The following RBMS3 variants were observed in gnomAD, a reference collection of about 807,000 sequenced individuals.
RBMS3 encodes the protein RNA binding motif single stranded interacting protein 3.
A neutral mutation model predicts 66.8 loss-of-function variants in RBMS3; 27 were observed. That is an observed-to-expected ratio of 0.40 (90% CI 0.30 to 0.56). The LOEUF (loss-of-function observed/expected upper bound fraction) is 0.56. RBMS3 is among the 20% of genes least tolerant of loss of function. RBMS3 has a pLI of 0.40. For missense variants in RBMS3, 513 were observed against 549.5 expected (o/e 0.93, Z 0.66); for synonymous variants, 188 against 183.0 (o/e 1.03, Z -0.22).
chr3:29,303,782 C>T (rs1187830310), intron 1 of RBMS3, among the ~76,000 whole-genome samples: 1 of 151,958 alleles, frequency 6.6e-6, no homozygotes, highest in Admixed American at 6.6e-5. Flanking sequence ...TCCGTTTTCA[C>T]ACTGTTGATA....
At chr3:29,310,853 C>G (rs1009095064) in intron 1 of RBMS3, among the ~76,000 whole-genome samples, 10 of 151,726 alleles carry the variant, frequency 6.6e-5, no homozygotes, top group Non-Finnish European at 1.5e-4. Context: ...ATCTGTTATT[C>G]TATTTTTCTT....
At chr3:29,488,405 C>A (rs762726440) in intron 2 of RBMS3, 36 bp from the exon 3 acceptor site, 1 of 1,532,366 alleles carries the variant, frequency 6.5e-7, no homozygotes, top group East Asian at 2.3e-5. Flanking sequence ...CAATGGGTTA[C>A]AATAACATGG....
At chr3:29,687,936 T>C (rs566325727) in intron 4 of RBMS3, among the ~76,000 whole-genome samples, 5 of 152,152 alleles carry the variant, frequency 3.3e-5, no homozygotes, top group Non-Finnish European at 7.4e-5. Context: ...GCCCAGATTA[T>C]AGATATTTTG....
intron 6 of RBMS3, among the ~76,000 whole-genome samples, chr3:29,849,052 T>C (rs2058860988): frequency 6.6e-6 from 1 of 152,158 alleles, no homozygotes; most frequent in Non-Finnish European, 1.5e-5. Flanking sequence ...CATTTTTTTC[T>C]TTAATACTAC....
chr3:29,420,595 A>G (rs75863450), intron 1 of RBMS3, among the ~76,000 whole-genome samples: 15,900 of 136,124 alleles, frequency 0.12, 1,159 homozygotes, highest in East Asian at 0.32. Context: ...GTTTTTATCA[A>G]CATAGCTATA....
chr3:29,869,969 T>A (rs1448356558), intron 7 of RBMS3, among the ~76,000 whole-genome samples: 1 of 152,162 alleles, frequency 6.6e-6, no homozygotes, highest in Non-Finnish European at 1.5e-5. Context: ...TTTTTTCAGT[T>A]TCTGTTTCTA....
chr3:29,394,119 C>A (rs2039435665), intron 1 of RBMS3, among the ~76,000 whole-genome samples: 1 of 152,152 alleles, frequency 6.6e-6, no homozygotes, highest in Non-Finnish European at 1.5e-5. Context: ...TATTTCATCC[C>A]TTATCTTCAA....
intron 3 of RBMS3, among the ~76,000 whole-genome samples, chr3:29,558,464 T>C (rs983214627): frequency 2.0e-5 from 3 of 152,172 alleles, no homozygotes; most frequent in Admixed American, 2.0e-4. Context: ...TTGAGATGCA[T>C]TCAGAAACAA....
intron 2 of RBMS3, among the ~76,000 whole-genome samples, chr3:29,435,969 G>T (rs146402233): frequency 1.1e-5 from 1 of 94,540 alleles, no homozygotes; most frequent in African/African-American, 4.0e-5. Flanking sequence ...GCGAGACTCC[G>T]TCTCAAAAAA....
intron 1 of RBMS3, among the ~76,000 whole-genome samples, chr3:29,370,367 T>C (rs1372746763): frequency 6.6e-6 from 1 of 152,216 alleles, no homozygotes; most frequent in Non-Finnish European, 1.5e-5. Context: ...CATTTTCATG[T>C]TAGATAACTT....
At chr3:29,407,087 G>A (rs899836121) in intron 1 of RBMS3, among the ~76,000 whole-genome samples, 1 of 152,164 alleles carries the variant, frequency 6.6e-6, no homozygotes, top group Admixed American at 6.5e-5. Flanking sequence ...AATACATTTT[G>A]TAGAATCAAT....
Position 29,363,867 on chromosome 3 carries a change from A to C in RBMS3, c.76-70876A>C, listed in dbSNP as rs907266214. Among the ~76,000 whole-genome samples the C allele has an allele frequency of 7.2e-5, 11 of 152,166 alleles. No individual in the cohort carries two copies. The South Asian group carries it at 8.3e-4, about 11-fold the overall frequency. On this transcript the variant is annotated intron_variant, in intron 1 of 14. Coordinates refer to ENST00000383767, the MANE Select transcript of RBMS3 (RefSeq NM_001003793.3). ...AGCAAATATTTTAAAAAATTGATAA[A>C]AATTTTTTTTTGCTATCAAATAGGA...
intron 3 of RBMS3, among the ~76,000 whole-genome samples, chr3:29,564,659 T>C (rs1221563681): frequency 6.6e-6 from 1 of 152,116 alleles, no homozygotes; most frequent in Non-Finnish European, 1.5e-5. Flanking sequence ...TATTGATATG[T>C]ATATTTTGGA....
At chr3:29,744,785 G>GA (rs1553655159) in intron 5 of RBMS3, among the ~76,000 whole-genome samples, 4,976 of 138,088 alleles carry the variant, frequency 0.036, 281 homozygotes, top group African/African-American at 0.11. Flanking sequence ...CTCCGTCTCG[G>GA]AAAAAAAAAA....
chr3:29,431,957 G>C (rs2041224567), intron 1 of RBMS3, among the ~76,000 whole-genome samples: 1 of 151,854 alleles, frequency 6.6e-6, no homozygotes, highest in African/African-American at 2.4e-5. Flanking sequence ...CGAGCTCCTG[G>C]GCTCAAGCAG....
chr3:29,866,435 C>A (rs929521605), intron 6 of RBMS3, among the ~76,000 whole-genome samples: 1 of 152,148 alleles, frequency 6.6e-6, no homozygotes, highest in Non-Finnish European at 1.5e-5. Context: ...GAACCAGTTT[C>A]TTTACAGCAA....
At chr3:29,672,429 C>T (rs1373276199) in intron 4 of RBMS3, among the ~76,000 whole-genome samples, 1 of 152,148 alleles carries the variant, frequency 6.6e-6, no homozygotes, top group East Asian at 1.9e-4. Flanking sequence ...CAAATTCACA[C>T]ATAACAATAT....
intron 12 of RBMS3, among the ~76,000 whole-genome samples, chr3:29,987,480 C>A (rs368594437): frequency 6.6e-6 from 1 of 151,840 alleles, no homozygotes; most frequent in African/African-American, 2.4e-5. Flanking sequence ...TTATTCATCC[C>A]GATAAGAAAA....
At chr3:29,704,352 T>C (rs1382692904) in intron 4 of RBMS3, among the ~76,000 whole-genome samples, 1 of 152,134 alleles carries the variant, frequency 6.6e-6, no homozygotes, top group Non-Finnish European at 1.5e-5. Flanking sequence ...CAGAAAGAGA[T>C]TGGTATATAA....
Sources: gnomAD v4.1 joint callset for allele counts (sites outside exome capture counted in the v4.1 genomes callset) on GRCh38, gnomAD v4.1.1 for gene constraint, MANE v1.5 for transcripts, NCBI Gene and HGNC (gene_info 2026-07-23, HGNC 2026-07-21) for gene names.